The following TPD52L1 variants were observed in gnomAD, a reference collection of about 807,000 sequenced individuals.
TPD52L1 encodes TPD52 like 1, also known as tumor protein D53.
Under a neutral mutation model 28.7 loss-of-function variants are expected in TPD52L1, and 18 were observed. That is an observed-to-expected ratio of 0.63 (90% CI 0.43 to 0.93). The LOEUF (loss-of-function observed/expected upper bound fraction) is 0.93. TPD52L1 is among the 40% of genes least tolerant of loss of function. The probability of loss-of-function intolerance (pLI) is 0.00; values close to 1 mark genes in which losing one functional copy is unlikely to be tolerated. For synonymous variants in TPD52L1, 75 were observed against 88.8 expected, an observed-to-expected ratio of 0.84 and a Z score of 0.88; for missense variants, 203 against 254.8, an observed-to-expected ratio of 0.80 and a Z score of 1.39.
intron 1 of TPD52L1, among the ~76,000 whole-genome samples, chr6:125,215,651 T>C (rs953068406): frequency 4.6e-5 from 7 of 152,118 alleles, no homozygotes; most frequent in African/African-American, 1.7e-4. Context: ...TGAAGGCCAG[T>C]TCAGAGTTTC....
At chr6:125,202,708 T>C (rs1414138519) in intron 1 of TPD52L1, among the ~76,000 whole-genome samples, 1 of 152,086 alleles carries the variant, frequency 6.6e-6, no homozygotes, top group Admixed American at 6.5e-5. Context: ...GAGACTGTTT[T>C]CCTTTTTGCT....
In TPD52L1 at chr6:125,173,979, A is replaced by G. The variant is rs757690502; in HGVS notation, c.19+20009A>G. 1.1e-4 allele frequency among the ~76,000 whole-genome samples: 17 copies of G among 152,328 alleles called. 1 individual carries two copies. The South Asian group carries it at 3.5e-3, about 32-fold the overall frequency. On this transcript the variant is annotated intron_variant, in intron 1 of 6. Coordinates refer to ENST00000534000, the MANE Select transcript of TPD52L1 (RefSeq NM_003287.4). The stretch of plus-strand genomic sequence containing the variant: ...TGACAAAGAGCCTACATGTTGTCAC[A>G]AAGATTTGGATTCATTTCCCAGTGC...
intron 1 of TPD52L1, among the ~76,000 whole-genome samples, chr6:125,208,446 A>T (rs1295777769): frequency 4.6e-5 from 7 of 152,182 alleles, no homozygotes; most frequent in Non-Finnish European, 8.8e-5. Flanking sequence ...TTCCTATAAG[A>T]AGGATGGATA....
intron 3 of TPD52L1, among the ~76,000 whole-genome samples, chr6:125,244,599 C>T (rs982959098): frequency 2.0e-5 from 3 of 152,168 alleles, no homozygotes; most frequent in African/African-American, 7.2e-5. Context: ...GCCTCTCATG[C>T]AGGCTTGAAT....
chr6:125,186,157 T>C (rs1020126814), intron 1 of TPD52L1, among the ~76,000 whole-genome samples: 3 of 152,126 alleles, frequency 2.0e-5, no homozygotes, highest in Non-Finnish European at 4.4e-5. Context: ...GTGCTGGGCT[T>C]ACAAGCATGA....
chr6:125,262,893 G>A lies in TPD52L1; in HGVS notation c.546G>A (p.Thr182=), dbSNP rs773602194. 7 of 1,614,082 alleles carry A rather than the reference G, an allele frequency of 4.3e-6. No individual in the cohort carries two copies. The highest frequency in any genetic ancestry group is 1.1e-5 in the South Asian group (1 of 91,078). Residue 182 remains threonine, a synonymous_variant, in exon 7 of 7, where the codon ACG becomes ACA. Transcript: ENST00000534000. ...GTTTTGAGGAGGTCCTCAGCTCCAC[G>A]GCCCATGCCAGTGCCCAGAGCTTGG... ...GGSFEEVLSS[T]AHASAQSLAG...
At chr6:125,228,354 A>G (rs1458288937) in intron 2 of TPD52L1, among the ~76,000 whole-genome samples, 2 of 152,222 alleles carry the variant, frequency 1.3e-5, no homozygotes, top group Non-Finnish European at 2.9e-5. Context: ...TACACTTTAA[A>G]TGTCTGCAGC....
intron 1 of TPD52L1, among the ~76,000 whole-genome samples, chr6:125,158,217 T>G (rs555460291): frequency 6.6e-6 from 1 of 152,318 alleles, no homozygotes; most frequent in East Asian, 1.9e-4. Flanking sequence ...TTAGGATATA[T>G]TTAGGGGCCA....
At chr6:125,155,831 C>A (rs1274662012) in intron 1 of TPD52L1, among the ~76,000 whole-genome samples, 1 of 152,152 alleles carries the variant, frequency 6.6e-6, no homozygotes, top group Non-Finnish European at 1.5e-5. Flanking sequence ...GCAGCAGTCC[C>A]ATGAGGTAGT....
chr6:125,183,462 G>C (rs1251716500), intron 1 of TPD52L1, among the ~76,000 whole-genome samples: 1 of 152,126 alleles, frequency 6.6e-6, no homozygotes, highest in African/African-American at 2.4e-5. Flanking sequence ...CTGGGTGACA[G>C]AGCGGGACTC....
At chr6:125,191,975 A>G (rs1793074696) in intron 1 of TPD52L1, among the ~76,000 whole-genome samples, 1 of 152,228 alleles carries the variant, frequency 6.6e-6, no homozygotes, top group Non-Finnish European at 1.5e-5. Flanking sequence ...AAAATTATGA[A>G]TGAAGGACCC....
chr6:125,235,701 G>A (rs533618932), intron 3 of TPD52L1, among the ~76,000 whole-genome samples: 1 of 152,260 alleles, frequency 6.6e-6, no homozygotes, highest in African/African-American at 2.4e-5. Flanking sequence ...TTCAATTGTT[G>A]ATTTCCAAGT....
intron 1 of TPD52L1, among the ~76,000 whole-genome samples, chr6:125,192,361 C>T (rs753783686): frequency 6.6e-6 from 1 of 151,828 alleles, no homozygotes; most frequent in Non-Finnish European, 1.5e-5. Context: ...AGCAGGATCC[C>T]CGAATGTACT....
At chr6:125,168,222 A>G (rs560433196) in intron 1 of TPD52L1, among the ~76,000 whole-genome samples, 1 of 152,318 alleles carries the variant, frequency 6.6e-6, no homozygotes, top group East Asian at 1.9e-4. Flanking sequence ...CAACATATGC[A>G]AGTACAAAAC....
intron 1 of TPD52L1, among the ~76,000 whole-genome samples, chr6:125,197,814 A>G (rs540813505): frequency 6.6e-6 from 1 of 152,244 alleles, no homozygotes; most frequent in South Asian, 2.1e-4. Flanking sequence ...GTCTCCAGAG[A>G]AAAGGAAATG....
intron 1 of TPD52L1, among the ~76,000 whole-genome samples, chr6:125,187,465 G>T (rs1351206634): frequency 1.3e-5 from 2 of 152,058 alleles, no homozygotes; most frequent in Non-Finnish European, 1.5e-5. Context: ...TGCAGCACTG[G>T]TTATAGTAGG....
intron 1 of TPD52L1, among the ~76,000 whole-genome samples, chr6:125,172,146 TTCTTTCTTTCTTTTC>T (rs1791404393): frequency 9.4e-5 from 7 of 74,726 alleles, no homozygotes; most frequent in Non-Finnish European, 1.7e-4. Context: ...CTTTCTTTCT[TTCTTTCTTTCTTTTC>T]TTTCTTTCTT....
At chr6:125,181,394 G>C (rs1792186652) in intron 1 of TPD52L1, among the ~76,000 whole-genome samples, 1 of 152,044 alleles carries the variant, frequency 6.6e-6, no homozygotes, top group African/African-American at 2.4e-5. Flanking sequence ...ACATTTGAGG[G>C]GTTTGGCGAT....
At chr6:125,219,449 G>C (rs1390069328) in intron 1 of TPD52L1, among the ~76,000 whole-genome samples, 2 of 152,162 alleles carry the variant, frequency 1.3e-5, no homozygotes, top group African/African-American at 4.8e-5. Flanking sequence ...GTGGAAAAAA[G>C]GCTTCATATT....
Sources: allele counts gnomAD v4.1 joint callset (sites outside exome capture counted in the v4.1 genomes callset), GRCh38; gene constraint gnomAD v4.1.1; transcripts MANE v1.5; gene names NCBI Gene and HGNC (gene_info 2026-07-23, HGNC 2026-07-21).